Variants in LRMDA observed in about 807,000 individuals in gnomAD.
LRMDA encodes leucine rich melanocyte differentiation associated.
Under a neutral mutation model 29.8 loss-of-function variants are expected in LRMDA, and 18 were observed. The ratio of observed to expected loss-of-function variants is 0.60; its 90% CI spans 0.42 to 0.90. The LOEUF is 0.90. LRMDA is among the 40% of genes least tolerant of loss of function. The pLI is 0.00. For synonymous variants in LRMDA, 125 were observed against 109.4 expected, an observed-to-expected ratio of 1.14 and a Z score of -0.89; for missense variants, 273 against 273.9, an observed-to-expected ratio of 1.00 and a Z score of 0.02.
chr10:76,546,572 T>C (rs1452575488), intron 6 of LRMDA, among the ~76,000 whole-genome samples: 2 of 152,198 alleles, frequency 1.3e-5, no homozygotes, highest in Non-Finnish European at 2.9e-5. Flanking sequence ...CATTTTATAC[T>C]TGCCTCACTG....
In LRMDA at chr10:75,438,408, C is replaced by A; in HGVS notation, c.45C>A (p.Gly15=). 6.4e-7 allele frequency: 1 copy of A among 1,550,932 alleles called. No individual in the cohort carries two copies. Among genetic ancestry groups the A allele is most frequent in the Non-Finnish European group, 8.7e-7 (1 of 1,146,918 alleles). Residue 15 remains glycine (G), a synonymous_variant, in exon 2 of 7, where the codon GGC becomes GGA. Transcript: ENST00000611255. The part of the protein sequence containing the change: ...VVRGTQVSYI[G]QDCREIPEHL... ...TTAATTTCCAGGTGTCCTACATAGG[C>A]CAGGACTGCAGAGAAATTCCAGAGC...
intron 4 of LRMDA, among the ~76,000 whole-genome samples, chr10:76,054,862 G>C: frequency 6.6e-6 from 1 of 151,400 alleles, no homozygotes; most frequent in Admixed American, 6.6e-5. Context: ...TCAGGAGTTT[G>C]AGTCCAGCCT....
At chr10:75,782,711 T>G in intron 2 of LRMDA, 1 of 1,275,154 alleles carries the variant, frequency 7.8e-7, no homozygotes, top group Non-Finnish European at 1.0e-6. Flanking sequence ...GCCAGGCACT[T>G]GTGAGATGGA....
chr10:75,552,605 G>T, intron 2 of LRMDA: 1 of 440,492 alleles, frequency 2.3e-6, no homozygotes, highest in Non-Finnish European at 4.6e-6. Flanking sequence ...TTGAACTGTG[G>T]TTTGCTCTTT....
At chr10:76,033,071 A>T (rs1179059106) in intron 2 of LRMDA, among the ~76,000 whole-genome samples, 7 of 152,276 alleles carry the variant, frequency 4.6e-5, no homozygotes, top group Non-Finnish European at 8.8e-5. Context: ...CAGTAAAAAA[A>T]AAATAAATAA....
At chr10:75,752,728 G>C (rs1352939745) in intron 2 of LRMDA, among the ~76,000 whole-genome samples, 1 of 152,150 alleles carries the variant, frequency 6.6e-6, no homozygotes, top group Non-Finnish European at 1.5e-5. Context: ...TATGTTCTCA[G>C]TTTGTTAGGG....
At chr10:76,532,831 G>A (rs1465560355) in intron 6 of LRMDA, among the ~76,000 whole-genome samples, 1 of 151,976 alleles carries the variant, frequency 6.6e-6, no homozygotes, top group Non-Finnish European at 1.5e-5. Flanking sequence ...CTTTTGATTG[G>A]GAAAACCAAA....
At chr10:75,682,317 TGGCA>T (rs1337499744) in intron 2 of LRMDA, among the ~76,000 whole-genome samples, 1 of 152,144 alleles carries the variant, frequency 6.6e-6, no homozygotes, top group Non-Finnish European at 1.5e-5. Flanking sequence ...GAACAATGAA[TGGCA>T]ATATTGTTTT....
intron 5 of LRMDA, among the ~76,000 whole-genome samples, chr10:76,222,555 T>G (rs758733433): frequency 2.0e-5 from 3 of 152,018 alleles, no homozygotes; most frequent in African/African-American, 7.2e-5. Context: ...GAAATGCAAA[T>G]CAAAGCCACA....
intron 4 of LRMDA, among the ~76,000 whole-genome samples, chr10:76,054,831 C>T (rs1848583629): frequency 6.6e-6 from 1 of 150,946 alleles, no homozygotes; most frequent in South Asian, 2.1e-4. Flanking sequence ...CCTGTAATTC[C>T]AGCAGATGGA....
In LRMDA at chr10:75,949,672, G is replaced by A. The variant is rs183660673; in HGVS notation, c.132-86336G>A. On this transcript the variant is annotated intron_variant, in intron 2 of 6. Coordinates refer to ENST00000611255, the MANE Select transcript of LRMDA (RefSeq NM_001305581.2). ...CCCAATATTATGCTTCTCTCCTTGG[G>A]CACCCTCGATTTGGAGCTTGTGATG... Among the ~76,000 whole-genome samples the A allele has an allele frequency of 2.8e-4, 42 of 152,178 alleles. No homozygotes were observed. The East Asian group carries it at 7.3e-3, about 27-fold the overall frequency.
At chr10:75,970,367 A>G (rs964148036) in intron 2 of LRMDA, among the ~76,000 whole-genome samples, 2 of 152,228 alleles carry the variant, frequency 1.3e-5, no homozygotes, top group Non-Finnish European at 2.9e-5. Context: ...GTGAGCTGTG[A>G]TGGGGACTCT....
At chr10:75,460,980 A>G (rs528063220) in intron 2 of LRMDA, among the ~76,000 whole-genome samples, 2 of 152,200 alleles carry the variant, frequency 1.3e-5, no homozygotes, top group Admixed American at 6.5e-5. Context: ...TGAATTAAAG[A>G]TCATTATAAC....
chr10:76,428,998 G>C (rs768250082), intron 6 of LRMDA, among the ~76,000 whole-genome samples: 9 of 150,308 alleles, frequency 6.0e-5, no homozygotes, highest in Non-Finnish European at 8.9e-5. Flanking sequence ...CTTGCTGTTA[G>C]ATGAGGAAAT....
intron 6 of LRMDA, among the ~76,000 whole-genome samples, chr10:76,426,485 G>A (rs1842127242): frequency 6.6e-6 from 1 of 151,600 alleles, no homozygotes; most frequent in Non-Finnish European, 1.5e-5. Context: ...GGAGTTCATT[G>A]TAGATTCTGG....
intron 2 of LRMDA, among the ~76,000 whole-genome samples, chr10:75,608,317 C>T (rs758823865): frequency 3.4e-4 from 51 of 151,532 alleles, no homozygotes; most frequent in Non-Finnish European, 6.2e-4. Flanking sequence ...ATGGTTGTTA[C>T]CAGGGGATGG....
At chr10:76,042,158 G>A (rs1194330945) in intron 3 of LRMDA, among the ~76,000 whole-genome samples, 1 of 152,194 alleles carries the variant, frequency 6.6e-6, no homozygotes, top group Non-Finnish European at 1.5e-5. Flanking sequence ...CTCTGGTGGT[G>A]CTATCAGCAT....
intron 2 of LRMDA, among the ~76,000 whole-genome samples, chr10:76,018,166 A>G (rs1340093970): frequency 3.9e-5 from 6 of 152,220 alleles, no homozygotes; most frequent in African/African-American, 1.4e-4. Flanking sequence ...TAGACAGAGC[A>G]AAAGTCTTAT....
At chr10:75,674,078 A>G (rs187333585) in intron 2 of LRMDA, among the ~76,000 whole-genome samples, 1 of 152,350 alleles carries the variant, frequency 6.6e-6, no homozygotes, top group East Asian at 1.9e-4. Flanking sequence ...CTTTGAGAAA[A>G]TATATGGAAT....
Sources: allele counts gnomAD v4.1 joint callset (sites outside exome capture counted in the v4.1 genomes callset), GRCh38; gene constraint gnomAD v4.1.1; transcripts MANE v1.5; gene names NCBI Gene and HGNC (gene_info 2026-07-23, HGNC 2026-07-21).